Variants in PABPC4L observed in about 807,000 individuals in gnomAD.
PABPC4L encodes the protein poly(A) binding protein cytoplasmic 4 like, also known as polyadenylate-binding protein 4-like.
For missense variants in PABPC4L, 452 were observed against 451.4 expected, an observed-to-expected ratio of 1.00 and a Z score of -0.01; for synonymous variants, 169 against 164.1, an observed-to-expected ratio of 1.03 and a Z score of -0.23.
chr4:134,144,577 GT>G, the PABPC4L span, among the ~76,000 whole-genome samples: 1 of 107,064 alleles, frequency 9.3e-6, no homozygotes, highest in East Asian at 1.2e-3. Context: ...TGCCTACCAG[GT>G]TAAAAAAAAA....
chr4:134,030,326 G>A, the PABPC4L span, among the ~76,000 whole-genome samples: 1 of 151,944 alleles, frequency 6.6e-6, no homozygotes, highest in Non-Finnish European at 1.5e-5. Flanking sequence ...CTTGTTGAAT[G>A]GCTTTGACAA....
At chr4:134,094,486 A>T in the PABPC4L span, among the ~76,000 whole-genome samples, 1 of 151,994 alleles carries the variant, frequency 6.6e-6, no homozygotes, top group African/African-American at 2.4e-5. Context: ...TAGCATAGCA[A>T]TTGAAAGTAT....
At chr4:134,063,611 T>C in the PABPC4L span, among the ~76,000 whole-genome samples, 1 of 152,076 alleles carries the variant, frequency 6.6e-6, no homozygotes, top group Admixed American at 6.6e-5. Context: ...ATCTCAACAA[T>C]GTCAAAGTTA....
At chr4:134,127,653 G>A in the PABPC4L span, among the ~76,000 whole-genome samples, 1 of 152,124 alleles carries the variant, frequency 6.6e-6, no homozygotes, top group Non-Finnish European at 1.5e-5. Flanking sequence ...CTGAACAGCA[G>A]TCCTTGAGTC....
the PABPC4L span, among the ~76,000 whole-genome samples, chr4:134,089,912 C>T: frequency 6.6e-6 from 1 of 151,964 alleles, no homozygotes; most frequent in Admixed American, 6.6e-5. Context: ...TTGGAACATA[C>T]CCTTCATAAA....
the PABPC4L span, among the ~76,000 whole-genome samples, chr4:134,152,827 A>G: frequency 1.3e-5 from 2 of 152,316 alleles, no homozygotes; most frequent in South Asian, 4.1e-4. Context: ...TACAAGAAGC[A>G]TGGCATCAGA....
the PABPC4L span, among the ~76,000 whole-genome samples, chr4:134,089,122 T>G: frequency 6.6e-6 from 1 of 152,156 alleles, no homozygotes. Flanking sequence ...AACTGCTGAT[T>G]GAAAGAATAT....
chr4:134,114,995 C>T, the PABPC4L span, among the ~76,000 whole-genome samples: 1 of 151,914 alleles, frequency 6.6e-6, no homozygotes, highest in East Asian at 1.9e-4. Flanking sequence ...ATTAGAGCTC[C>T]TTTCCATTAT....
the PABPC4L span, among the ~76,000 whole-genome samples, chr4:134,150,847 A>T: frequency 6.6e-6 from 1 of 152,180 alleles, no homozygotes; most frequent in East Asian, 1.9e-4. Flanking sequence ...GCTTTTAGTA[A>T]CATTTTTTAT....
At chr4:134,176,441 C>A in the PABPC4L span, among the ~76,000 whole-genome samples, 1 of 152,002 alleles carries the variant, frequency 6.6e-6, no homozygotes, top group Non-Finnish European at 1.5e-5. Flanking sequence ...AGTTGGAGAC[C>A]AGCCTCGGCA....
chr4:134,145,685 C>G, the PABPC4L span, among the ~76,000 whole-genome samples: 53 of 151,910 alleles, frequency 3.5e-4, no homozygotes, highest in South Asian at 8.3e-4. Flanking sequence ...CATTTGGTCT[C>G]TGAGACTTGC....
the PABPC4L span, among the ~76,000 whole-genome samples, chr4:134,044,556 G>A: frequency 6.6e-6 from 1 of 152,076 alleles, no homozygotes; most frequent in South Asian, 2.1e-4. Flanking sequence ...GAGCCACCAG[G>A]CCCGGCCATT....
the PABPC4L span, among the ~76,000 whole-genome samples, chr4:134,039,973 C>CA: frequency 2.6e-5 from 4 of 151,032 alleles, no homozygotes; most frequent in African/African-American, 4.9e-5. Context: ...ACAATTGCTA[C>CA]AAAAAAAATA....
At chr4:134,015,467 G>C in the PABPC4L span, among the ~76,000 whole-genome samples, 1 of 151,972 alleles carries the variant, frequency 6.6e-6, no homozygotes, top group African/African-American at 2.4e-5. Context: ...GCCTCTCTTT[G>C]CTTTCACTTG....
the PABPC4L span, among the ~76,000 whole-genome samples, chr4:133,971,148 T>C: frequency 7.1e-6 from 1 of 140,882 alleles, no homozygotes; most frequent in African/African-American, 2.7e-5. Context: ...AGTCTCACTC[T>C]GTCGCCCAGG....
chr4:134,123,255 A>G, the PABPC4L span, among the ~76,000 whole-genome samples: 1 of 152,032 alleles, frequency 6.6e-6, no homozygotes, highest in Non-Finnish European at 1.5e-5. Context: ...TAATGTACCT[A>G]TTAGCCTTCT....
At chr4:133,967,862 A>G in the PABPC4L span, among the ~76,000 whole-genome samples, 3 of 152,218 alleles carry the variant, frequency 2.0e-5, no homozygotes, top group Non-Finnish European at 4.4e-5. Flanking sequence ...AAGGCAAGGC[A>G]AGAATATAAG....
At chr4:134,063,765 T>C in the PABPC4L span, among the ~76,000 whole-genome samples, 1 of 152,072 alleles carries the variant, frequency 6.6e-6, no homozygotes, top group South Asian at 2.1e-4. Flanking sequence ...ATATAAATAC[T>C]ATAACCAGAC....
At chr4:134,027,086 G>A in the PABPC4L span, among the ~76,000 whole-genome samples, 1 of 152,108 alleles carries the variant, frequency 6.6e-6, no homozygotes. Context: ...AATTATTTAT[G>A]TACTTATTTA....
Sources: allele counts gnomAD v4.1 joint callset (sites outside exome capture counted in the v4.1 genomes callset), GRCh38; gene constraint gnomAD v4.1.1; transcripts MANE v1.5; gene names NCBI Gene and HGNC (gene_info 2026-07-23, HGNC 2026-07-21).